Variants in PLCG2 observed in about 807,000 individuals in gnomAD.
The protein encoded by PLCG2 is 1-phosphatidylinositol 4,5-bisphosphate phosphodiesterase gamma-2.
PLCG2 carries 69 observed loss-of-function variants against 175.6 expected under a neutral mutation model. The observed-to-expected ratio is 0.39, with a 90% CI of 0.32 to 0.48. The LOEUF is 0.48. Ranked by LOEUF, PLCG2 falls within the 20% of genes least tolerant of loss-of-function variation. PLCG2 has a pLI of 0.91. For missense variants in PLCG2, 1,798 were observed against 1,650.9 expected (o/e 1.09, Z -1.54); for synonymous variants, 827 against 624.0 (o/e 1.33, Z -4.85).
At chr16:81,898,013 C>G in intron 13 of PLCG2, 1 of 363,808 alleles carries the variant, frequency 2.7e-6, no homozygotes, top group Non-Finnish European at 5.6e-6. Flanking sequence ...CCTAGCCCTT[C>G]TAAGTGCCAA....
At chr16:81,852,226 G>A (rs1435021858) in intron 2 of PLCG2, 1 of 152,216 alleles carries the variant, frequency 6.6e-6, no homozygotes, top group African/African-American at 2.4e-5. Flanking sequence ...CCGTGGAGGG[G>A]AGGTTTTACC....
chr16:81,766,688 G>T (rs894610417), intron 2 of PLCG2: 1 of 152,234 alleles, frequency 6.6e-6, no homozygotes, highest in South Asian at 2.1e-4. Context: ...TCGGTATTTT[G>T]TCTTTTTTTC....
intron 8 of PLCG2, 31 bp from the exon 9 acceptor site, chr16:81,883,238 C>G (rs1300325614): frequency 1.9e-6 from 3 of 1,602,892 alleles, no homozygotes; most frequent in East Asian, 2.2e-5. Context: ...ATGTGTCTGT[C>G]TCTAACTGCA....
intron 2 of PLCG2, among the ~76,000 whole-genome samples, chr16:81,770,467 C>T (rs539559192): frequency 2.1e-4 from 32 of 152,270 alleles, no homozygotes; most frequent in East Asian, 3.9e-4. Context: ...AATCCCAGCC[C>T]TTTGGGAGGC....
In PLCG2 at chr16:81,803,422, A is replaced by G. The variant is rs372053793; in HGVS notation, c.193+17240A>G. ...CATTCCTTTTTAAGACTAATATTCC[A>G]TTGCATGGATAGACCATATTTTGTT... On this transcript the variant is annotated intron_variant, in intron 2 of 32. Coordinates refer to ENST00000564138, the MANE Select transcript of PLCG2 (RefSeq NM_002661.5). Among the ~76,000 whole-genome samples the G allele has an allele frequency of 1.7e-3, 255 of 152,122 alleles. 1 individual carries two copies. The highest frequency in any genetic ancestry group is 5.5e-3 in the African/African-American group (230 of 41,512).
At chr16:81,941,365 G>C (rs1910931649) in intron 30 of PLCG2, among the ~76,000 whole-genome samples, 1 of 151,988 alleles carries the variant, frequency 6.6e-6, no homozygotes, top group South Asian at 2.1e-4. Flanking sequence ...CAGGTTCCTG[G>C]ACCCACCACA....
At chr16:81,896,140 G>C (rs1186388233) in intron 13 of PLCG2, among the ~76,000 whole-genome samples, 1 of 152,140 alleles carries the variant, frequency 6.6e-6, no homozygotes, top group Non-Finnish European at 1.5e-5. Context: ...CCGGGCTCTA[G>C]AGCCCCGAGG....
chr16:81,758,680 T>C (rs1016346836), intron 2 of PLCG2, among the ~76,000 whole-genome samples: 6 of 149,934 alleles, frequency 4.0e-5, no homozygotes, highest in Admixed American at 2.0e-4. Context: ...CATCTCTCTT[T>C]TTTTTTTTTT....
upstream of PLCG2, among the ~76,000 whole-genome samples, chr16:81,778,781 G>A (rs1277303562): frequency 1.3e-5 from 2 of 151,884 alleles, no homozygotes; most frequent in East Asian, 1.9e-4. Flanking sequence ...GCAATTCCTG[G>A]CGGGTAATTG....
At chr16:81,924,595 C>G (rs34782773) in intron 22 of PLCG2, among the ~76,000 whole-genome samples, 1 of 152,222 alleles carries the variant, frequency 6.6e-6, no homozygotes, top group Non-Finnish European at 1.5e-5. Context: ...ACTCTTAACT[C>G]CATTCATCTG....
At chr16:81,883,226 GA>G in intron 8 of PLCG2, 42 bp from the exon 9 acceptor site, 4 of 1,569,512 alleles carry the variant, frequency 2.5e-6, no homozygotes, top group Non-Finnish European at 3.5e-6. Flanking sequence ...CTCCTCTGTT[GA>G]ATGTGTCTGT....
At chr16:81,889,657 T>A (rs1041597144) in intron 10 of PLCG2, among the ~76,000 whole-genome samples, 1 of 152,028 alleles carries the variant, frequency 6.6e-6, no homozygotes, top group Non-Finnish European at 1.5e-5. Context: ...GTTTGTTTGC[T>A]TGTGTGTTTG....
intron 2 of PLCG2, among the ~76,000 whole-genome samples, chr16:81,814,190 T>A (rs1297173739): frequency 6.6e-6 from 1 of 152,134 alleles, no homozygotes; most frequent in Non-Finnish European, 1.5e-5. Context: ...CGGAGGGGAA[T>A]GGTACCGGGT....
chr16:81,766,910 G>A (rs71400172), intron 2 of PLCG2: 4,227 of 152,232 alleles, frequency 0.028, 103 homozygotes, highest in Admixed American at 0.065. Flanking sequence ...CAAACTGGAA[G>A]TCTGTCCAGG....
chr16:81,879,379 G>A (rs1230575061), intron 7 of PLCG2, among the ~76,000 whole-genome samples: 5 of 152,142 alleles, frequency 3.3e-5, no homozygotes, highest in East Asian at 1.9e-4. Context: ...ACACATCAAC[G>A]AAAGGAAGTA....
chr16:81,954,216 T>C (rs1430689510), intron 31 of PLCG2, among the ~76,000 whole-genome samples: 1 of 152,062 alleles, frequency 6.6e-6, no homozygotes, highest in Admixed American at 6.6e-5. Context: ...AGTAACAGGG[T>C]CCCGCTATGT....
chr16:81,773,471 G>A (rs908973833), intron 2 of PLCG2, among the ~76,000 whole-genome samples: 2 of 152,188 alleles, frequency 1.3e-5, no homozygotes, highest in Non-Finnish European at 2.9e-5. Context: ...ACACAGGGGG[G>A]TAAGAGGCAG....
intron 2 of PLCG2, among the ~76,000 whole-genome samples, chr16:81,852,511 A>C (rs763276781): frequency 6.6e-6 from 1 of 152,178 alleles, no homozygotes; most frequent in Non-Finnish European, 1.5e-5. Flanking sequence ...TCTCTGTGCC[A>C]GTCCAGAGTT....
In PLCG2 at chr16:81,858,117, GA is replaced by G. The variant is rs34024958; in HGVS notation, c.338-143del. ...GCAGGTCCTAGGGCCATGACGGTGTGAAAGGGGATGCTTTCTTTGCCTTCTG... is the reference window on the plus strand; with the variant it reads ...GCAGGTCCTAGGGCCATGACGGTGTGAAGGGGATGCTTTCTTTGCCTTCTG... On this transcript the variant is annotated intron_variant, in intron 3 of 32. Coordinates refer to ENST00000564138, the MANE Select transcript of PLCG2 (RefSeq NM_002661.5). 0.37 allele frequency: 247,908 copies of G among 677,880 alleles called. 47,937 individuals are homozygous for G. The highest frequency in any genetic ancestry group is 0.43 in the South Asian group (25,079 of 58,878). The allele number at this position is 677,880 out of a possible 1,614,324, so 42.0% of individuals were successfully genotyped here. A position where few individuals can be genotyped will look rare whatever the true frequency, so the allele number is the denominator to read the frequency against.
Sources: allele counts gnomAD v4.1 joint callset (sites outside exome capture counted in the v4.1 genomes callset), GRCh38; gene constraint gnomAD v4.1.1; transcripts MANE v1.5; gene names NCBI Gene and HGNC (gene_info 2026-07-23, HGNC 2026-07-21).